Variants in PHLPP1 observed in about 807,000 individuals in gnomAD.
PHLPP1 encodes the protein PH domain leucine-rich repeat-containing protein phosphatase 1.
A neutral mutation model predicts 117.2 loss-of-function variants in PHLPP1; 42 were observed. The ratio of observed to expected loss-of-function variants is 0.36; its 90% confidence interval spans 0.28 to 0.46. The LOEUF is 0.46. Ranked by LOEUF, PHLPP1 falls within the 20% of genes least tolerant of loss-of-function variation. The pLI is 1.00. For missense variants in PHLPP1, 2,084 were observed against 2,241.9 expected (o/e 0.93, Z 1.42); for synonymous variants, 1,042 against 970.7 (o/e 1.07, Z -1.37).
chr18:62,821,548 CCAAAAAAAAA>C (rs1914455758), intron 1 of PHLPP1, among the ~76,000 whole-genome samples: 5 of 29,322 alleles, frequency 1.7e-4, no homozygotes, highest in African/African-American at 2.4e-4. Context: ...GACCCTTTAT[CCAAAAAAAAA>C]AAAAAAAAAA....
intron 11 of PHLPP1, among the ~76,000 whole-genome samples, chr18:62,943,378 C>G (rs1949190611): frequency 6.6e-6 from 1 of 152,206 alleles, no homozygotes; most frequent in African/African-American, 2.4e-5. Context: ...GGACCACCAT[C>G]TAGTCATTTT....
At chr18:62,750,871 A>C (rs1568102925) in intron 1 of PHLPP1, among the ~76,000 whole-genome samples, 1 of 152,208 alleles carries the variant, frequency 6.6e-6, no homozygotes, top group East Asian at 1.9e-4. Flanking sequence ...GGAACAATTA[A>C]AGAGAAAATG....
chr18:62,720,294 A>G (rs956267733), intron 1 of PHLPP1, among the ~76,000 whole-genome samples: 1 of 152,106 alleles, frequency 6.6e-6, no homozygotes, highest in African/African-American at 2.4e-5. Context: ...GCATTAAACT[A>G]TATCTTTTTA....
At chr18:62,973,114 T>C (rs1257017987) in intron 15 of PHLPP1, among the ~76,000 whole-genome samples, 1 of 152,254 alleles carries the variant, frequency 6.6e-6, no homozygotes, top group African/African-American at 2.4e-5. Context: ...TCTTGGCCCT[T>C]ATGAAATACT....
chr18:62,873,485 A>G (rs1224151180), intron 4 of PHLPP1, among the ~76,000 whole-genome samples: 1 of 152,214 alleles, frequency 6.6e-6, no homozygotes, highest in Non-Finnish European at 1.5e-5. Context: ...TAATGTTTCA[A>G]TTGTTTGTTT....
At chr18:62,744,995 C>T (rs759508860) in intron 1 of PHLPP1, among the ~76,000 whole-genome samples, 108 of 152,290 alleles carry the variant, frequency 7.1e-4, no homozygotes, top group Middle Eastern at 3.4e-3. Context: ...ATAGAGCCCA[C>T]AAACTTGAAG....
At chr18:62,723,545 A>G (rs1006659636) in intron 1 of PHLPP1, among the ~76,000 whole-genome samples, 1 of 152,336 alleles carries the variant, frequency 6.6e-6, no homozygotes, top group East Asian at 1.9e-4. Flanking sequence ...CAGACATCTG[A>G]GGAAGAGCAG....
Position 62,946,312 on chromosome 18 carries a change from A to G in PHLPP1, c.3324+1041A>G, listed in dbSNP as rs570253877. Reference sequence around the variant, plus strand: ...GTTTCACTCTTGTTGCCCAGGCTGGAGTGCAATGGTGCAATCTTGGCTCAC... The same window carrying G: ...GTTTCACTCTTGTTGCCCAGGCTGGGGTGCAATGGTGCAATCTTGGCTCAC... On this transcript the variant is annotated intron_variant, in intron 12 of 16. Transcript: ENST00000262719. Among the ~76,000 whole-genome samples the G allele has an allele frequency of 4.9e-3, 739 of 152,166 alleles. 4 individuals carry two copies. The highest frequency in any genetic ancestry group is 0.017 in the African/African-American group (705 of 41,520).
At chr18:62,930,067 C>G (rs962539279) in intron 10 of PHLPP1, among the ~76,000 whole-genome samples, 4 of 152,148 alleles carry the variant, frequency 2.6e-5, no homozygotes, top group African/African-American at 9.7e-5. Context: ...AGAATGCTGA[C>G]AAAAACTGGC....
chr18:62,810,950 A>G (rs771281739), intron 1 of PHLPP1, among the ~76,000 whole-genome samples: 4 of 152,202 alleles, frequency 2.6e-5, no homozygotes, highest in Non-Finnish European at 5.9e-5. Context: ...ATTAGTTAAG[A>G]TGAGATCATA....
intron 1 of PHLPP1, among the ~76,000 whole-genome samples, chr18:62,765,336 C>T (rs1912433683): frequency 6.6e-6 from 1 of 152,210 alleles, no homozygotes; most frequent in South Asian, 2.1e-4. Context: ...GCCCTAATGT[C>T]ACTCCCCATT....
chr18:62,963,281 G>T (rs1910817013), intron 13 of PHLPP1, 87 bp from the exon 14 acceptor site: 11 of 808,590 alleles, frequency 1.4e-5, no homozygotes, highest in Non-Finnish European at 2.3e-5. Context: ...TGTTTAACAG[G>T]TGTATTTTTT....
At chr18:62,968,618 A>G (rs1910969409) in intron 14 of PHLPP1, among the ~76,000 whole-genome samples, 1 of 144,246 alleles carries the variant, frequency 6.9e-6, no homozygotes, top group South Asian at 2.2e-4. Flanking sequence ...GTTCACTGCA[A>G]CCTTTCCCTT....
In PHLPP1 at chr18:62,941,856, G is replaced by A. The variant is rs368870213; in HGVS notation, c.3099G>A (p.Thr1033=). The change falls in exon 11 of 17, where the codon ACG becomes ACA. Residue 1033 remains threonine, a synonymous_variant. Coordinates refer to ENST00000262719, the MANE Select transcript of PHLPP1 (RefSeq NM_194449.4). The part of the protein sequence containing the change: ...SLTDKCVPLL[T]GHPHLKILHM... ...CAGACAAATGTGTGCCCTTGTTAAC[G>A]GGACACCCCCATTTGAAGATCCTTC... The A allele has an allele frequency of 6.2e-6, 10 of 1,613,810 alleles. No individual in the cohort carries two copies. The Admixed American group carries it at 6.7e-5, about 11-fold the overall frequency.
chr18:62,968,176 G>A (rs1910956286), intron 14 of PHLPP1, among the ~76,000 whole-genome samples: 1 of 152,128 alleles, frequency 6.6e-6, no homozygotes, highest in African/African-American at 2.4e-5. Context: ...TTAATTTGTT[G>A]AGGATGTCTA....
chr18:62,763,867 T>C (rs549739165), intron 1 of PHLPP1, among the ~76,000 whole-genome samples: 13 of 152,058 alleles, frequency 8.5e-5, no homozygotes, highest in African/African-American at 3.1e-4. Context: ...AAATAGTTTC[T>C]GTCTTAAAAA....
intron 4 of PHLPP1, among the ~76,000 whole-genome samples, chr18:62,888,409 T>A (rs1307811405): frequency 6.6e-6 from 1 of 151,968 alleles, no homozygotes; most frequent in Non-Finnish European, 1.5e-5. Flanking sequence ...ATCATTTATC[T>A]GGCTTACCTG....
rs528773769 is a variant in PHLPP1, at chr18:62,898,097, G to T, written c.2444+2086G>T. Reference sequence around the variant, plus strand: ...TTTCTATCCATGTTTTCTGCCTTGGGGGTTGCATATACTCTCAGGCTTCAT... The same window carrying T: ...TTTCTATCCATGTTTTCTGCCTTGGTGGTTGCATATACTCTCAGGCTTCAT... On this transcript the variant is annotated intron_variant, in intron 6 of 16. Coordinates refer to ENST00000262719, the MANE Select transcript of PHLPP1 (RefSeq NM_194449.4). 5.5e-5 allele frequency among the ~76,000 whole-genome samples: 7 copies of T among 127,670 alleles called. No homozygotes were observed. The East Asian group carries it at 1.5e-3, about 27-fold the overall frequency. 83.8% of individuals were successfully genotyped at this position (127,670 alleles called of 152,430 possible).
At chr18:62,811,888 T>C (rs1914133734) in intron 1 of PHLPP1, among the ~76,000 whole-genome samples, 1 of 152,200 alleles carries the variant, frequency 6.6e-6, no homozygotes. Context: ...ATCAGCTTTG[T>C]AGGGAAAAGG....
Sources: gnomAD v4.1 joint callset for allele counts (sites outside exome capture counted in the v4.1 genomes callset) on GRCh38, gnomAD v4.1.1 for gene constraint, MANE v1.5 for transcripts, NCBI Gene and HGNC (gene_info 2026-07-23, HGNC 2026-07-21) for gene names.